DZANK1: variants seen among roughly 807,000 people sequenced by gnomAD.
DZANK1 encodes double zinc ribbon and ankyrin repeat domains 1.
In DZANK1, 91 loss-of-function variants were observed where a neutral mutation model predicts 94.5. The ratio of observed to expected loss-of-function variants is 0.96; its 90% confidence interval spans 0.81 to 1.15. The LOEUF (loss-of-function observed/expected upper bound fraction) is 1.15. Ranked by LOEUF, DZANK1 falls within the 50% of genes most tolerant of loss-of-function variation. The pLI, the probability that DZANK1 is intolerant of heterozygous loss-of-function variation, is 0.00. For synonymous variants in DZANK1, 312 were observed against 325.3 expected, an observed-to-expected ratio of 0.96 and a Z score of 0.44; for missense variants, 903 against 916.4, an observed-to-expected ratio of 0.99 and a Z score of 0.19.
At chr20:18,403,796 C>CTT (rs35824877) in intron 13 of DZANK1, among the ~76,000 whole-genome samples, 1,659 of 111,692 alleles carry the variant, frequency 0.015, 55 homozygotes, top group Non-Finnish European at 0.019. Context: ...AACTTTCTTT[C>CTT]TTTTTTTTTT....
chr20:18,438,836 T>C (rs1012368937), intron 8 of DZANK1, among the ~76,000 whole-genome samples: 1 of 152,212 alleles, frequency 6.6e-6, no homozygotes, highest in Non-Finnish European at 1.5e-5. Flanking sequence ...TGTGTCTTCA[T>C]ATGGTGGAAG....
intron 2 of DZANK1, among the ~76,000 whole-genome samples, chr20:18,462,185 T>C (rs1192122275): frequency 6.6e-6 from 1 of 152,016 alleles, no homozygotes; most frequent in Non-Finnish European, 1.5e-5. Context: ...GTATAGGGGA[T>C]ATGCAAAAGT....
At chr20:18,464,763 T>C (rs1342618176) in intron 2 of DZANK1, among the ~76,000 whole-genome samples, 1 of 136,302 alleles carries the variant, frequency 7.3e-6, no homozygotes, top group Admixed American at 8.1e-5. Flanking sequence ...GCAACCTCCA[T>C]CACCCAGGTT....
At chr20:18,455,878 T>C (rs1277031570) in intron 3 of DZANK1, among the ~76,000 whole-genome samples, 1 of 152,172 alleles carries the variant, frequency 6.6e-6, no homozygotes, top group Non-Finnish European at 1.5e-5. Flanking sequence ...ACTTCCTCCA[T>C]AGTACCTGAC....
chr20:18,462,635 T>C (rs897441580), intron 2 of DZANK1, among the ~76,000 whole-genome samples: 1 of 152,174 alleles, frequency 6.6e-6, no homozygotes, highest in Admixed American at 6.5e-5. Context: ...GGGACACTTA[T>C]ACACTATTGG....
At chr20:18,420,404 G>A in intron 10 of DZANK1, 1 of 160,728 alleles carries the variant, frequency 6.2e-6, no homozygotes. Context: ...CCTAGCAACG[G>A]CATGCATTCC....
intron 6 of DZANK1, among the ~76,000 whole-genome samples, chr20:18,450,002 C>G (rs1030459633): frequency 6.6e-6 from 1 of 151,762 alleles, no homozygotes; most frequent in Non-Finnish European, 1.5e-5. Context: ...CGCTTGAACC[C>G]GGGAAGCAGA....
chr20:18,428,962 A>T (rs2058173520), intron 9 of DZANK1, among the ~76,000 whole-genome samples: 1 of 152,234 alleles, frequency 6.6e-6, no homozygotes, highest in African/African-American at 2.4e-5. Flanking sequence ...ACTGACTGCT[A>T]TTAAAAATGG....
intron 13 of DZANK1, among the ~76,000 whole-genome samples, chr20:18,402,900 G>C (rs528844556): frequency 6.6e-6 from 1 of 152,172 alleles, no homozygotes; most frequent in East Asian, 1.9e-4. Context: ...TGGTTCTAAA[G>C]CCATACAGAA....
At chr20:18,444,798 G>GTTTATTTATTTATTTATTTATTTATTTA (rs750385324) in intron 7 of DZANK1, among the ~76,000 whole-genome samples, 1 of 151,884 alleles carries the variant, frequency 6.6e-6, no homozygotes, top group Non-Finnish European at 1.5e-5. Context: ...ATATTTGTTT[G>GTTTATTTATTTATTTATTTATTTATTTA]TTTATTTATT....
At chr20:18,439,384 G>T (rs1253029983) in intron 8 of DZANK1, among the ~76,000 whole-genome samples, 1 of 152,174 alleles carries the variant, frequency 6.6e-6, no homozygotes, top group Non-Finnish European at 1.5e-5. Context: ...CTGGAAACTG[G>T]GGGAGGAACT....
At chr20:18,399,961 A>G (rs2056582287) in intron 13 of DZANK1, among the ~76,000 whole-genome samples, 1 of 152,242 alleles carries the variant, frequency 6.6e-6, no homozygotes, top group African/African-American at 2.4e-5. Context: ...AGCATGGTTC[A>G]GTGGAAAGAG....
intron 12 of DZANK1, 143 bp downstream of exon 12, chr20:18,414,204 TA>T (rs903203888): frequency 5.6e-4 from 525 of 945,660 alleles, no homozygotes; most frequent in Non-Finnish European, 6.5e-4. Context: ...TGACTGCATT[TA>T]TTTACACACC....
At chr20:18,396,847 G>C (rs1390973729) in intron 14 of DZANK1, among the ~76,000 whole-genome samples, 2 of 152,200 alleles carry the variant, frequency 1.3e-5, no homozygotes, top group Non-Finnish European at 2.9e-5. Context: ...CATTCTTCAA[G>C]AGATGCACTT....
chr20:18,419,644 A>G lies in DZANK1; in HGVS notation c.955-4195T>C, dbSNP rs189448225. Reference sequence around the variant, plus strand: ...AGAGTGTGGAACAGCTTTAAAGTTCAGAAAGAAAATAACTGTCAGCCCAGA... The same window carrying G: ...AGAGTGTGGAACAGCTTTAAAGTTCGGAAAGAAAATAACTGTCAGCCCAGA... On this transcript the variant is annotated intron_variant, in intron 10 of 20. Transcript: ENST00000262547. 2.4e-3 allele frequency among the ~76,000 whole-genome samples: 363 copies of G among 152,314 alleles called. 5 individuals are homozygous for G. Among genetic ancestry groups the G allele is most frequent in the Admixed American group, 0.02 (305 of 15,302 alleles).
intron 6 of DZANK1, among the ~76,000 whole-genome samples, chr20:18,450,434 A>G (rs2148737636): frequency 6.6e-6 from 1 of 152,350 alleles, no homozygotes; most frequent in East Asian, 1.9e-4. Context: ...CTAGACCAGA[A>G]GTCTCAAAGT....
intron 10 of DZANK1, among the ~76,000 whole-genome samples, chr20:18,419,519 G>GC (rs1484192697): frequency 4.6e-5 from 7 of 152,062 alleles, no homozygotes; most frequent in African/African-American, 1.7e-4. Flanking sequence ...ACAATAAAGA[G>GC]CAAATCTTAA....
rs80068407 is a variant in DZANK1, at chr20:18,450,592, T to C, written c.544-1523A>G. Among the ~76,000 whole-genome samples, 562 of 152,348 alleles carry C rather than the reference T, an allele frequency of 3.7e-3. 1 individual carries two copies. The highest frequency in any genetic ancestry group is 6.8e-3 in the Middle Eastern group (2 of 294). On this transcript the variant is annotated intron_variant, in intron 6 of 20. Transcript: ENST00000262547. The stretch of plus-strand genomic sequence containing the variant: ...TTTTCTGCCTTCTCATGCAAATTCA[T>C]TGGATGTAGCAACACTGAGCCTTCA...
At chr20:18,438,218 C>CAAAAAAAA (rs761846698) in intron 8 of DZANK1, among the ~76,000 whole-genome samples, 2 of 57,744 alleles carry the variant, frequency 3.5e-5, no homozygotes, top group African/African-American at 7.2e-5. Context: ...GACTCTGTCT[C>CAAAAAAAA]AAAAAAAAAA....
Sources: gnomAD v4.1 joint callset for allele counts (sites outside exome capture counted in the v4.1 genomes callset) on GRCh38, gnomAD v4.1.1 for gene constraint, MANE v1.5 for transcripts, NCBI Gene and HGNC (gene_info 2026-07-23, HGNC 2026-07-21) for gene names.